CSMD1: variants seen among roughly 807,000 people sequenced by gnomAD.
CSMD1 encodes CUB and sushi domain-containing protein 1.
In CSMD1, 213 loss-of-function variants were observed where a neutral mutation model predicts 417.5. The ratio of observed to expected loss-of-function variants is 0.51; its 90% CI spans 0.46 to 0.57. The LOEUF (loss-of-function observed/expected upper bound fraction) is 0.57. Ranked by LOEUF, CSMD1 falls within the 20% of genes least tolerant of loss-of-function variation. The pLI, the probability that CSMD1 is intolerant of heterozygous loss-of-function variation, is 0.00. For missense variants in CSMD1, 6,923 were observed against 4,529.7 expected (o/e 1.53, Z -15.17); for synonymous variants, 2,862 against 1,736.8 (o/e 1.65, Z -16.11).
At chr8:3,861,656 C>G (rs1804717776) in intron 5 of CSMD1, among the ~76,000 whole-genome samples, 1 of 152,144 alleles carries the variant, frequency 6.6e-6, no homozygotes, top group Non-Finnish European at 1.5e-5. Flanking sequence ...GTATATGGCT[C>G]TCCTGTTATT....
At chr8:3,779,864 T>G (rs1584986144) in intron 5 of CSMD1, among the ~76,000 whole-genome samples, 1 of 152,232 alleles carries the variant, frequency 6.6e-6, no homozygotes, top group African/African-American at 2.4e-5. Flanking sequence ...TTCTTGAATA[T>G]TTTGAAAATT....
chr8:3,862,308 T>G (rs141086691), intron 5 of CSMD1, among the ~76,000 whole-genome samples: 5,769 of 152,334 alleles, frequency 0.038, 111 homozygotes, highest in Middle Eastern at 0.068. Flanking sequence ...CATTCTCCTT[T>G]CTGTCATCTG....
intron 23 of CSMD1, among the ~76,000 whole-genome samples, chr8:3,335,416 G>T (rs541212353): frequency 6.6e-6 from 1 of 152,246 alleles, no homozygotes; most frequent in South Asian, 2.1e-4. Flanking sequence ...GGTGGCTCAC[G>T]CCTGTAATCC....
At chr8:4,740,329 G>T (rs1388641396) in intron 1 of CSMD1, among the ~76,000 whole-genome samples, 1 of 152,084 alleles carries the variant, frequency 6.6e-6, no homozygotes, top group African/African-American at 2.4e-5. Flanking sequence ...TTGTGATATA[G>T]CTAACAGAAA....
intron 41 of CSMD1, among the ~76,000 whole-genome samples, chr8:3,119,805 C>G (rs7826526): frequency 0.12 from 18,594 of 152,152 alleles, 1,876 homozygotes; most frequent in African/African-American, 0.27. Context: ...AGCACCAGTT[C>G]TGGGGGAACC....
chr8:3,552,181 CAG>C (rs1184866352), intron 10 of CSMD1, among the ~76,000 whole-genome samples: 1 of 152,096 alleles, frequency 6.6e-6, no homozygotes, highest in East Asian at 1.9e-4. Context: ...TCTGCACAAA[CAG>C]AGTACTGTCT....
chr8:4,810,697 G>A (rs1041135672), intron 1 of CSMD1, among the ~76,000 whole-genome samples: 2 of 152,160 alleles, frequency 1.3e-5, no homozygotes, highest in Admixed American at 6.5e-5. Context: ...ATGTCAATGA[G>A]ATTCCGTCAT....
chr8:4,906,195 C>A (rs987113642), intron 1 of CSMD1, among the ~76,000 whole-genome samples: 1 of 152,172 alleles, frequency 6.6e-6, no homozygotes, highest in African/African-American at 2.4e-5. Flanking sequence ...TAGAAAATCA[C>A]CCTTTCACTA....
At chr8:3,347,946 T>G (rs1369536447) in intron 22 of CSMD1, 46 bp downstream of exon 22, 1 of 1,390,370 alleles carries the variant, frequency 7.2e-7, no homozygotes, top group Non-Finnish European at 9.7e-7. Flanking sequence ...ATGTATTTTT[T>G]GAGAAGAAAA....
Position 4,317,856 on chromosome 8 carries a change from C to A in CSMD1, c.415+102097G>T, listed in dbSNP as rs577526250. Among the ~76,000 whole-genome samples the A allele has an allele frequency of 2.9e-4, 44 of 152,242 alleles. No homozygotes were observed. The South Asian group carries it at 8.9e-3, about 31-fold the overall frequency. ...TTAATGTATTTTTGACCAAGTTAAA[C>A]CGAATTTTGGCAGGATGAAAATATG... On this transcript the variant is annotated intron_variant, in intron 3 of 69. Coordinates refer to ENST00000635120, the MANE Select transcript of CSMD1 (RefSeq NM_033225.6).
intron 5 of CSMD1, among the ~76,000 whole-genome samples, chr8:3,962,276 T>G (rs1481188649): frequency 6.6e-5 from 10 of 151,868 alleles, no homozygotes; most frequent in Admixed American, 3.3e-4. Flanking sequence ...TCTTCTGTCC[T>G]GGAACTGCCC....
At chr8:4,752,722 C>G (rs1360777753) in intron 1 of CSMD1, among the ~76,000 whole-genome samples, 1 of 151,948 alleles carries the variant, frequency 6.6e-6, no homozygotes, top group Non-Finnish European at 1.5e-5. Context: ...TTTGGGGCAA[C>G]GAAAAAGTTG....
At position 3,012,356 on chromosome 8, in the gene CSMD1, G is replaced by A. The variant is rs556711734; in HGVS notation, c.8029+6121C>T. ...AGTTGACATTCTCAAGACTCAGTCT[G>A]TCAACGCTCATCCATTCCTGTGTTT... On this transcript the variant is annotated intron_variant, in intron 52 of 69. Transcript: ENST00000635120. Among the ~76,000 whole-genome samples, 73 of 152,218 alleles carry A rather than the reference G, an allele frequency of 4.8e-4. No individual in the cohort carries two copies. In the South Asian group the frequency reaches 0.015, roughly 31 times the overall value.
At chr8:3,632,512 C>T (rs1796835882) in intron 7 of CSMD1, among the ~76,000 whole-genome samples, 1 of 152,020 alleles carries the variant, frequency 6.6e-6, no homozygotes, top group Non-Finnish European at 1.5e-5. Context: ...TTGTGATGGG[C>T]GTTGAAGATG....
rs1392449878 is a variant in CSMD1, at chr8:3,990,398, G to C, written c.818+7505C>G. Among the ~76,000 whole-genome samples the C allele has an allele frequency of 2.0e-5, 3 of 152,160 alleles. No homozygotes were observed. The East Asian group carries it at 5.8e-4, about 29-fold the overall frequency. On this transcript the variant is annotated intron_variant, in intron 5 of 69. Transcript: ENST00000635120. The stretch of plus-strand genomic sequence containing the variant: ...CTCTGCCCTAAGAATGGTAAGGATG[G>C]AGACGGGGACTTCTCTCCCGGGATA...
rs527963823 is a variant in CSMD1, at chr8:4,921,196, G to T, written c.85+73136C>A. 3.1e-4 allele frequency among the ~76,000 whole-genome samples: 47 copies of T among 152,244 alleles called. No homozygotes were observed. The South Asian group carries it at 7.9e-3, about 26-fold the overall frequency. ...TAGGGTCAGAAACAGGCAATTTCAA[G>T]TGACTTGTTAGCTCCCTCTCACGTT... On this transcript the variant is annotated intron_variant, in intron 1 of 69. Transcript: ENST00000635120.
At chr8:3,468,182 G>C (rs991308706) in intron 12 of CSMD1, among the ~76,000 whole-genome samples, 3 of 152,104 alleles carry the variant, frequency 2.0e-5, no homozygotes, top group African/African-American at 7.2e-5. Context: ...TTTTTCACAG[G>C]AAATTCATTT....
chr8:4,671,126 A>G (rs1563109460), intron 1 of CSMD1, among the ~76,000 whole-genome samples: 1 of 152,224 alleles, frequency 6.6e-6, no homozygotes, highest in Non-Finnish European at 1.5e-5. Flanking sequence ...ATTTGCACTC[A>G]GTATTCTCTC....
intron 2 of CSMD1, among the ~76,000 whole-genome samples, chr8:4,519,205 G>C (rs968342918): frequency 6.6e-6 from 1 of 151,988 alleles, no homozygotes; most frequent in African/African-American, 2.4e-5. Flanking sequence ...CTAGATCTTT[G>C]AAGAACAGGA....
Sources: allele counts gnomAD v4.1 joint callset (sites outside exome capture counted in the v4.1 genomes callset), GRCh38; gene constraint gnomAD v4.1.1; transcripts MANE v1.5; gene names NCBI Gene and HGNC (gene_info 2026-07-23, HGNC 2026-07-21).